Variants in SUMF1 observed in about 807,000 individuals in gnomAD.
SUMF1 encodes the protein sulfatase modifying factor 1, also known as formylglycine-generating enzyme.
Under a neutral mutation model 47.6 loss-of-function variants are expected in SUMF1, and 48 were observed. The ratio of observed to expected loss-of-function variants is 1.01; its 90% CI spans 0.80 to 1.28. SUMF1 has a LOEUF of 1.28. Among genes scored for constraint, SUMF1 ranks in the 50% most tolerant of loss-of-function variants. The probability of loss-of-function intolerance (pLI) is 0.00; values close to 1 mark genes in which losing one functional copy is unlikely to be tolerated. For synonymous variants in SUMF1, 230 were observed against 192.1 expected, an observed-to-expected ratio of 1.20 and a Z score of -1.63; for missense variants, 571 against 485.4, an observed-to-expected ratio of 1.18 and a Z score of -1.66.
chr3:4,409,044 C>G (rs567568243), intron 7 of SUMF1, among the ~76,000 whole-genome samples: 1 of 152,092 alleles, frequency 6.6e-6, no homozygotes, highest in Admixed American at 6.5e-5. Flanking sequence ...AATAAGAAGG[C>G]ATTAAAGGAT....
chr3:4,172,190 A>T (rs1381659636), intron 8 of SUMF1, among the ~76,000 whole-genome samples: 1 of 152,220 alleles, frequency 6.6e-6, no homozygotes, highest in African/African-American at 2.4e-5. Flanking sequence ...AGCAATACAT[A>T]GAAGTTGATT....
At chr3:4,215,797 C>T (rs1695910014) in intron 8 of SUMF1, among the ~76,000 whole-genome samples, 1 of 151,950 alleles carries the variant, frequency 6.6e-6, no homozygotes. Context: ...ACAATTGCTA[C>T]TAAGAGAAAA....
chr3:4,324,042 A>T (rs1228698335), intron 8 of SUMF1, among the ~76,000 whole-genome samples: 2 of 152,190 alleles, frequency 1.3e-5, no homozygotes, highest in Non-Finnish European at 2.9e-5. Context: ...GATTTAGCAG[A>T]TGATGAAAAA....
In SUMF1 at chr3:4,086,015, C is replaced by A. The variant is rs114463266; in HGVS notation, c.1015-17270G>T. Among the ~76,000 whole-genome samples, 424 of 152,112 alleles carry A rather than the reference C, an allele frequency of 2.8e-3. 5 individuals carry two copies. Among genetic ancestry groups the A allele is most frequent in the African/African-American group, 9.8e-3 (406 of 41,468 alleles). ...GTGAAACTCAGTCCTGAGAAGCAAT[C>A]TATGCATCCCCTGGTGCAAGTTAAA... is the stretch of plus-strand genomic sequence containing the variant. On this transcript the variant is annotated intron_variant and NMD_transcript_variant, in intron 8 of 12. Coordinates refer to the SUMF1 transcript ENST00000448413.
chr3:4,161,812 CA>C (rs758741511), intron 8 of SUMF1, among the ~76,000 whole-genome samples: 13 of 151,928 alleles, frequency 8.6e-5, no homozygotes, highest in Non-Finnish European at 1.9e-4. Flanking sequence ...GCTGAGCTGG[CA>C]CCTGGGTTGC....
intron 8 of SUMF1, among the ~76,000 whole-genome samples, chr3:4,147,773 T>A (rs1694229401): frequency 6.6e-6 from 1 of 152,142 alleles, no homozygotes; most frequent in Non-Finnish European, 1.5e-5. Flanking sequence ...CCTCTTTTCC[T>A]GTATACCTAA....
chr3:4,344,288 G>A (rs962194762), intron 8 of SUMF1, among the ~76,000 whole-genome samples: 6 of 152,182 alleles, frequency 3.9e-5, no homozygotes, highest in Non-Finnish European at 8.8e-5. Context: ...TTGGCATCAG[G>A]TCAGTGCCCC....
intron 8 of SUMF1, among the ~76,000 whole-genome samples, chr3:4,248,574 C>T (rs1373513006): frequency 6.6e-6 from 1 of 152,178 alleles, no homozygotes; most frequent in African/African-American, 2.4e-5. Context: ...CACATCCCCC[C>T]TTGCATCACC....
At chr3:4,326,984 T>C (rs1365286448) in intron 8 of SUMF1, among the ~76,000 whole-genome samples, 2 of 152,192 alleles carry the variant, frequency 1.3e-5, no homozygotes, top group Non-Finnish European at 2.9e-5. Flanking sequence ...CTTATGCAAA[T>C]AACTATATTG....
chr3:4,199,425 G>C (rs1398499993), intron 8 of SUMF1, among the ~76,000 whole-genome samples: 2 of 152,102 alleles, frequency 1.3e-5, no homozygotes, highest in Non-Finnish European at 1.5e-5. Flanking sequence ...TTATAAGTAA[G>C]ATGAACATTC....
intron 8 of SUMF1, among the ~76,000 whole-genome samples, chr3:4,223,203 T>C (rs1696105764): frequency 6.6e-6 from 1 of 152,156 alleles, no homozygotes. Context: ...TCTGGCTTCT[T>C]CTCAAATTCA....
At chr3:4,398,358 TATGCATATTCCTATATTAAAA>T (rs1040847361) in intron 7 of SUMF1, among the ~76,000 whole-genome samples, 145 of 152,252 alleles carry the variant, frequency 9.5e-4, no homozygotes, top group African/African-American at 3.2e-3. Flanking sequence ...TACGTGTGGA[TATGCATATTCCTATATTAAAA>T]AGGCATCCAC....
Position 4,243,880 on chromosome 3 carries a change from T to C in SUMF1, c.1014+132450A>G, listed in dbSNP as rs185201794. 7.9e-5 allele frequency among the ~76,000 whole-genome samples: 12 copies of C among 152,298 alleles called. No individual in the cohort carries two copies. The South Asian group carries it at 1.0e-3, about 13-fold the overall frequency. Reference sequence around the variant, plus strand: ...GTGGAGTGTTACAGTCTCCGGTTATTATGTAGGAATCTAAGTCTCTTTGTA... The same window carrying C: ...GTGGAGTGTTACAGTCTCCGGTTATCATGTAGGAATCTAAGTCTCTTTGTA... On this transcript the variant is annotated intron_variant and NMD_transcript_variant, in intron 8 of 12. Transcript: ENST00000448413.
intron 8 of SUMF1, among the ~76,000 whole-genome samples, chr3:4,069,188 C>T (rs1234976561): frequency 4.6e-5 from 7 of 152,076 alleles, no homozygotes; most frequent in Admixed American, 2.0e-4. Flanking sequence ...TCACAGAAGG[C>T]TGTTTATGGC....
At chr3:4,429,973 G>T (rs1466366693) in intron 3 of SUMF1, among the ~76,000 whole-genome samples, 3 of 152,122 alleles carry the variant, frequency 2.0e-5, no homozygotes, top group Non-Finnish European at 4.4e-5. Context: ...TTAAAAGTAT[G>T]CTTTTAAAGG....
intron 8 of SUMF1, among the ~76,000 whole-genome samples, chr3:4,281,562 T>G (rs1379529739): frequency 6.6e-6 from 1 of 152,114 alleles, no homozygotes; most frequent in Admixed American, 6.5e-5. Context: ...GCTCTGAGAC[T>G]TGCCTGACCA....
chr3:4,237,891 A>G (rs1696445209), intron 8 of SUMF1, among the ~76,000 whole-genome samples: 2 of 152,144 alleles, frequency 1.3e-5, no homozygotes, highest in South Asian at 2.1e-4. Flanking sequence ...TCAACTCATC[A>G]TCTACATTAG....
intron 8 of SUMF1, among the ~76,000 whole-genome samples, chr3:4,071,171 G>A (rs1695511840): frequency 6.6e-6 from 1 of 152,068 alleles, no homozygotes; most frequent in African/African-American, 2.4e-5. Context: ...ACTGGCATTA[G>A]GAGGTGCTTC....
chr3:4,308,277 C>A (rs1309949771), intron 8 of SUMF1, among the ~76,000 whole-genome samples: 1 of 152,172 alleles, frequency 6.6e-6, no homozygotes, highest in Admixed American at 6.5e-5. Flanking sequence ...AACTTATTTT[C>A]TTCACTACCC....
Sources: gnomAD v4.1 joint callset for allele counts (sites outside exome capture counted in the v4.1 genomes callset) on GRCh38, gnomAD v4.1.1 for gene constraint, MANE v1.5 for transcripts, NCBI Gene and HGNC (gene_info 2026-07-23, HGNC 2026-07-21) for gene names.